EPHA5: variants seen among roughly 807,000 people sequenced by gnomAD.
EPHA5 encodes ephrin type-A receptor 5.
Under a neutral mutation model 105.0 loss-of-function variants are expected in EPHA5, and 60 were observed. The observed-to-expected ratio is 0.57, with a 90% CI of 0.46 to 0.71. The LOEUF (loss-of-function observed/expected upper bound fraction) is 0.71. EPHA5 is among the 30% of genes least tolerant of loss of function. The probability of loss-of-function intolerance (pLI) is 0.00; values close to 1 mark genes in which losing one functional copy is unlikely to be tolerated. For missense variants in EPHA5, 1,218 were observed against 1,274.7 expected (o/e 0.96, Z 0.68); for synonymous variants, 513 against 449.1 (o/e 1.14, Z -1.80).
intron 8 of EPHA5, among the ~76,000 whole-genome samples, chr4:65,388,094 T>A (rs2148947865): frequency 6.6e-6 from 1 of 150,910 alleles, no homozygotes; most frequent in Non-Finnish European, 1.5e-5. Flanking sequence ...TGTGATAGTT[T>A]GCTGAGAATG....
At chr4:65,530,973 AG>A (rs1361584174) in intron 3 of EPHA5, among the ~76,000 whole-genome samples, 1 of 151,754 alleles carries the variant, frequency 6.6e-6, no homozygotes, top group Non-Finnish European at 1.5e-5. Context: ...TTTGCTTTAA[AG>A]GGTGCTGATT....
At chr4:65,498,913 T>C (rs933021142) in intron 3 of EPHA5, among the ~76,000 whole-genome samples, 6 of 151,392 alleles carry the variant, frequency 4.0e-5, no homozygotes, top group African/African-American at 1.2e-4. Context: ...TTCCAAGGGG[T>C]CATAGTACCC....
intron 5 of EPHA5, among the ~76,000 whole-genome samples, chr4:65,453,887 GT>G (rs1228443419): frequency 6.6e-6 from 1 of 152,080 alleles, no homozygotes; most frequent in Non-Finnish European, 1.5e-5. Flanking sequence ...TCTTGCCTAG[GT>G]CTCTCCTTCT....
intron 2 of EPHA5, among the ~76,000 whole-genome samples, chr4:65,626,236 A>G (rs1746150435): frequency 6.6e-6 from 1 of 152,084 alleles, no homozygotes; most frequent in Non-Finnish European, 1.5e-5. Flanking sequence ...TAAATTTATC[A>G]CAAACAATGA....
At chr4:65,573,336 G>A (rs1051408256) in intron 3 of EPHA5, 6 of 582,976 alleles carry the variant, frequency 1.0e-5, no homozygotes, top group South Asian at 2.6e-5. Flanking sequence ...GCGTGAACCC[G>A]GGAGGCAGAG....
chr4:65,579,535 T>A (rs1444872730), intron 3 of EPHA5, among the ~76,000 whole-genome samples: 1 of 151,672 alleles, frequency 6.6e-6, no homozygotes, highest in Admixed American at 6.6e-5. Flanking sequence ...GAATGCTGCA[T>A]AACATTTTCA....
chr4:65,428,756 C>T (rs1724694549), intron 5 of EPHA5, among the ~76,000 whole-genome samples: 3 of 151,764 alleles, frequency 2.0e-5, no homozygotes, highest in Admixed American at 6.6e-5. Context: ...AACTTAATTG[C>T]CAAGAAGTAA....
intron 3 of EPHA5, among the ~76,000 whole-genome samples, chr4:65,566,232 C>T (rs1739520321): frequency 6.6e-6 from 1 of 151,702 alleles, no homozygotes; most frequent in Non-Finnish European, 1.5e-5. Context: ...GTTCAGTGTA[C>T]ATGTCACAAT....
chr4:65,670,321 C>A lies in EPHA5; in HGVS notation c.-579G>T. On this transcript the variant is annotated 5_prime_UTR_variant, in exon 1 of 17. Coordinates refer to ENST00000613740, the MANE Select transcript of EPHA5 (RefSeq NM_001281766.3). ...ACTGGCAGAAGGAAATAGCTGCGGG[C>A]TGAGTGCTGAAGAGGGGAGGGACTG... 4.3e-6 allele frequency: 1 copy of A among 233,574 alleles called. No individual in the cohort carries two copies. Among genetic ancestry groups the A allele is most frequent in the Non-Finnish European group, 8.5e-6 (1 of 118,262 alleles). 14.5% of individuals were successfully genotyped at this position (233,574 alleles called of 1,614,324 possible).
intron 8 of EPHA5, among the ~76,000 whole-genome samples, chr4:65,379,290 C>CACAA (rs1719327836): frequency 2.0e-5 from 3 of 151,600 alleles, no homozygotes; most frequent in Admixed American, 2.0e-4. Context: ...CACACACACA[C>CACAA]ACACTCACAC....
chr4:65,481,138 T>C lies in EPHA5; in HGVS notation c.1402+9239A>G, dbSNP rs75598277. Among the ~76,000 whole-genome samples the C allele has an allele frequency of 4.9e-3, 745 of 152,262 alleles. 16 individuals carry two copies. In the East Asian group the frequency reaches 0.055, roughly 11 times the overall value. On this transcript the variant is annotated intron_variant, in intron 5 of 16. Coordinates refer to ENST00000613740, the MANE Select transcript of EPHA5 (RefSeq NM_001281766.3). ...AGAAATTTAAGAAATTCAACAAAGA[T>C]CGTCTGTGTCTAAATGCACTTCATA... is the stretch of plus-strand genomic sequence containing the variant.
chr4:65,515,885 A>G (rs1734060847), intron 3 of EPHA5, among the ~76,000 whole-genome samples: 1 of 152,112 alleles, frequency 6.6e-6, no homozygotes, highest in South Asian at 2.1e-4. Flanking sequence ...TAGAACAAAA[A>G]GGAGGAGAAA....
intron 3 of EPHA5, among the ~76,000 whole-genome samples, chr4:65,519,829 A>G (rs1186093510): frequency 2.0e-5 from 3 of 152,190 alleles, no homozygotes; most frequent in Admixed American, 6.6e-5. Context: ...AGTGATGTGA[A>G]GGACCTCTTC....
chr4:65,535,614 C>G (rs756885446), intron 3 of EPHA5, among the ~76,000 whole-genome samples: 4 of 151,984 alleles, frequency 2.6e-5, no homozygotes, highest in African/African-American at 4.8e-5. Flanking sequence ...TATTAAGATG[C>G]TGTTTTGCAA....
intron 3 of EPHA5, among the ~76,000 whole-genome samples, chr4:65,545,814 G>A (rs926858255): frequency 6.6e-6 from 1 of 151,878 alleles, no homozygotes; most frequent in African/African-American, 2.4e-5. Context: ...TATAAGGTCT[G>A]GAAGGAAACC....
chr4:65,627,739 C>A (rs139695784), intron 2 of EPHA5, among the ~76,000 whole-genome samples: 299 of 152,214 alleles, frequency 2.0e-3, no homozygotes, highest in African/African-American at 6.8e-3. Context: ...CTTCACCAAA[C>A]CCACACTTCA....
chr4:65,397,485 C>T (rs573511678), intron 8 of EPHA5, among the ~76,000 whole-genome samples: 1 of 152,280 alleles, frequency 6.6e-6, no homozygotes, highest in Non-Finnish European at 1.5e-5. Context: ...TATCTACCCC[C>T]TCAAAAGAGT....
chr4:65,371,450 C>G (rs1269835394), intron 8 of EPHA5, among the ~76,000 whole-genome samples: 1 of 152,012 alleles, frequency 6.6e-6, no homozygotes, highest in Admixed American at 6.6e-5. Context: ...ATTTCTGATA[C>G]TATTAATGCT....
intron 5 of EPHA5, among the ~76,000 whole-genome samples, chr4:65,433,740 C>G (rs1260471092): frequency 2.6e-5 from 4 of 152,166 alleles, no homozygotes; most frequent in Non-Finnish European, 1.5e-5. Flanking sequence ...TACTGGACTT[C>G]CTTGGCTCCA....
Sources: gnomAD v4.1 joint callset for allele counts (sites outside exome capture counted in the v4.1 genomes callset) on GRCh38, gnomAD v4.1.1 for gene constraint, MANE v1.5 for transcripts, NCBI Gene and HGNC (gene_info 2026-07-23, HGNC 2026-07-21) for gene names.